SHANK2: variants seen among roughly 807,000 people sequenced by gnomAD.
SHANK2 encodes the protein SH3 and multiple ankyrin repeat domains 2.
In SHANK2, 43 loss-of-function variants were observed where a neutral mutation model predicts 133.7. The observed-to-expected ratio is 0.32, with a 90% CI of 0.25 to 0.41. The LOEUF (loss-of-function observed/expected upper bound fraction) is 0.41, where lower values mean the gene tolerates loss of function less well. Ranked by LOEUF, SHANK2 falls within the 10% of genes least tolerant of loss-of-function variation. The probability of loss-of-function intolerance (pLI) is 1.00; values close to 1 mark genes in which losing one functional copy is unlikely to be tolerated. For synonymous variants in SHANK2, 1,017 were observed against 952.8 expected, an observed-to-expected ratio of 1.07 and a Z score of -1.24; for missense variants, 1,994 against 2,235.8, an observed-to-expected ratio of 0.89 and a Z score of 2.18.
rs1230640393 is a variant in SHANK2 at position 71,247,599 on chromosome 11, TG to T, written c.-113+4825del. Among the ~76,000 whole-genome samples, 15 of 151,798 alleles carry T rather than the reference TG, an allele frequency of 9.9e-5. No individual in the cohort carries two copies. The East Asian group carries it at 1.4e-3, about 14-fold the overall frequency. On this transcript the variant is annotated intron_variant, in intron 1 of 25. Transcript: ENST00000601538. ...CTTATGACCTCTAATGCACGCCTCC[TG>T]GGGGGTCTCTGGTGAGGCCTTTCTA...
rs1293806723 is a variant in SHANK2 at position 71,188,597 on chromosome 11, G to A, written c.-13+36100C>T. On this transcript the variant is annotated intron_variant, in intron 2 of 25. Coordinates refer to ENST00000601538, the MANE Select transcript of SHANK2 (RefSeq NM_012309.5). This position sits in a 1 kb window ranked among gnomAD's most constrained non-coding sequence, Gnocchi z 4.6. ...ATTACCCTGGCAACCAGGTACAGCC[G>A]TGAAGACAATGAAATTCACTGTGCC... is the stretch of plus-strand genomic sequence containing the variant. Among the ~76,000 whole-genome samples the A allele has an allele frequency of 6.6e-6, 1 of 152,230 alleles. No individual in the cohort carries two copies.
chr11:71,063,532 C>A (rs977515285), intron 9 of SHANK2, among the ~76,000 whole-genome samples: 13 of 152,294 alleles, frequency 8.5e-5, no homozygotes, highest in African/African-American at 3.1e-4. Context: ...CCAGGGAGAA[C>A]AGGAGGCCCA....
intron 14 of SHANK2, among the ~76,000 whole-genome samples, chr11:70,732,153 G>T (rs1220278250): frequency 6.6e-6 from 1 of 151,944 alleles, no homozygotes; most frequent in African/African-American, 2.4e-5. Flanking sequence ...CACACTACAG[G>T]CTGCTCAAAT....
chr11:70,608,989 TG>T (rs1401650400), intron 17 of SHANK2, among the ~76,000 whole-genome samples: 3 of 152,242 alleles, frequency 2.0e-5, no homozygotes, highest in African/African-American at 7.2e-5. Flanking sequence ...CGCTTAGCCA[TG>T]GTCAGTGGGA....
chr11:70,496,183 T>A (rs1340795409), intron 21 of SHANK2, among the ~76,000 whole-genome samples: 4 of 152,220 alleles, frequency 2.6e-5, no homozygotes, highest in Non-Finnish European at 5.9e-5. Flanking sequence ...TGGCCATGTC[T>A]GGGCACATCA....
chr11:71,221,625 A>G (rs1370201303), intron 2 of SHANK2, among the ~76,000 whole-genome samples: 4 of 152,248 alleles, frequency 2.6e-5, no homozygotes, highest in African/African-American at 4.8e-5. Context: ...TGTCTTCAAC[A>G]GTCAATGAGA....
At chr11:70,848,239 T>A (rs1222647259) in intron 11 of SHANK2, among the ~76,000 whole-genome samples, 4 of 152,236 alleles carry the variant, frequency 2.6e-5, no homozygotes, top group Non-Finnish European at 5.9e-5. Context: ...CTCCTGATTT[T>A]AAATACCAGC....
intron 11 of SHANK2, among the ~76,000 whole-genome samples, chr11:70,888,810 C>T (rs534230608): frequency 6.8e-6 from 1 of 147,876 alleles, no homozygotes; most frequent in African/African-American, 2.6e-5. Context: ...GAGGGAGACG[C>T]CATCTCAAAA....
In SHANK2 at chr11:71,222,536, G is replaced by A. The variant is rs115415509; in HGVS notation, c.-13+2161C>T. ...GCTGTGAACCGAGGCCCAGCTGGCC[G>A]GACGCAGGCGCCTTCCAAAGGCAGA... is the stretch of plus-strand genomic sequence containing the variant. On this transcript the variant is annotated intron_variant, in intron 2 of 25. Transcript: ENST00000601538. 3.5e-3 allele frequency among the ~76,000 whole-genome samples: 530 copies of A among 152,348 alleles called. 2 individuals carry two copies. The highest frequency in any genetic ancestry group is 0.011 in the African/African-American group (477 of 41,586).
chr11:70,907,508 A>G (rs1459928956), intron 10 of SHANK2: 1 of 174,258 alleles, frequency 5.7e-6, no homozygotes, highest in Non-Finnish European at 1.2e-5. Context: ...TAAAAGTATG[A>G]TTCTTCTATG....
At chr11:70,871,897 C>T (rs1042626697) in intron 11 of SHANK2, among the ~76,000 whole-genome samples, 5 of 152,170 alleles carry the variant, frequency 3.3e-5, no homozygotes, top group South Asian at 2.1e-4. Context: ...ATAACAACAC[C>T]GTCTTGAAAG....
chr11:70,635,390 A>C (rs1351667905), intron 17 of SHANK2: 1 of 152,240 alleles, frequency 6.6e-6, no homozygotes, highest in African/African-American at 2.4e-5. Context: ...TTAAACCAGA[A>C]GGAGATTCTG....
intron 14 of SHANK2, among the ~76,000 whole-genome samples, chr11:70,710,224 C>T (rs891504774): frequency 6.6e-6 from 1 of 152,194 alleles, no homozygotes; most frequent in Non-Finnish European, 1.5e-5. Context: ...GCTGTGCCGT[C>T]CCCTCAGGCA....
chr11:71,186,611 G>A (rs922128146), intron 2 of SHANK2, among the ~76,000 whole-genome samples: 1 of 152,172 alleles, frequency 6.6e-6, no homozygotes, highest in Non-Finnish European at 1.5e-5. Context: ...CCTTAGAGGG[G>A]TCATAAGAGA....
intron 11 of SHANK2, among the ~76,000 whole-genome samples, chr11:70,836,017 T>C (rs1948809951): frequency 6.6e-6 from 1 of 152,078 alleles, no homozygotes; most frequent in African/African-American, 2.4e-5. Flanking sequence ...GCCCACCACC[T>C]CCTCTCCCAT....
Position 70,470,504 on chromosome 11 carries a change from C to T in SHANK2, c.*2365G>A, listed in dbSNP as rs2058585309. ...GCACTGAGCACAGAGGTAATACCAA[C>T]TGTAGGCCCAGGGAAAGTGCCATGC... On this transcript the variant is annotated 3_prime_UTR_variant, in exon 26 of 26. Coordinates refer to ENST00000601538, the MANE Select transcript of SHANK2 (RefSeq NM_012309.5). The T allele has an allele frequency of 1.3e-5, 2 of 152,576 alleles. No individual in the cohort carries two copies. Among genetic ancestry groups the T allele is most frequent in the Admixed American group, 6.5e-5 (1 of 15,288 alleles). 9.5% of individuals were successfully genotyped at this position (152,576 alleles called of 1,614,324 possible). A position where few individuals can be genotyped will look rare whatever the true frequency, so the allele number is the denominator to read the frequency against.
At chr11:71,201,605 C>CT (rs1954021700) in intron 2 of SHANK2, among the ~76,000 whole-genome samples, 1 of 152,194 alleles carries the variant, frequency 6.6e-6, no homozygotes, top group African/African-American at 2.4e-5. Context: ...GTGACCTCAG[C>CT]TTTAAGATAA....
Position 71,147,250 on chromosome 11 carries a change from T to C in SHANK2, c.77A>G (p.Asp26Gly). Reference protein sequence around the residue: ...FSDYSVGSESDSSKEETIYDT... With the variant: ...FSDYSVGSESGSSKEETIYDT... ...ATAGATGGTCTCTTCTTTGGAGCTG[T>C]CTGACTCCGACCCCACGGAGTAGTC... Residue 26 changes from aspartate (D) to glycine (G), a missense_variant, in exon 3 of 26, where the codon GAC becomes GGC. Asp to Gly is a moderately conservative substitution (Grantham distance 94). Transcript: ENST00000601538. 1.3e-6 allele frequency: 2 copies of C among 1,550,998 alleles called. No individual in the cohort carries two copies. The highest frequency in any genetic ancestry group is 8.7e-7 in the Non-Finnish European group (1 of 1,146,940).
At chr11:70,546,167 G>A (rs1554976383) in intron 17 of SHANK2, among the ~76,000 whole-genome samples, 1 of 141,574 alleles carries the variant, frequency 7.1e-6, no homozygotes, top group East Asian at 2.0e-4. Flanking sequence ...TTGAACTCCT[G>A]ATCTCAAGGA....
Sources: allele counts gnomAD v4.1 joint callset (sites outside exome capture counted in the v4.1 genomes callset), GRCh38; gene constraint gnomAD v4.1.1; non-coding constraint Gnocchi (gnomAD v3.1); transcripts MANE v1.5; gene names NCBI Gene and HGNC (gene_info 2026-07-23, HGNC 2026-07-21).